NLGN1: variants seen among roughly 807,000 people sequenced by gnomAD.
NLGN1 encodes neuroligin-1.
NLGN1 carries 12 observed loss-of-function variants against 65.5 expected under a neutral mutation model. The observed-to-expected ratio is 0.18, with a 90% CI of 0.12 to 0.30. The LOEUF is 0.30. Among genes scored for constraint, NLGN1 ranks in the 10% least tolerant of loss-of-function variants. The pLI is 1.00. For synonymous variants in NLGN1, 350 were observed against 359.5 expected, an observed-to-expected ratio of 0.97 and a Z score of 0.30; for missense variants, 750 against 1,007.1, an observed-to-expected ratio of 0.74 and a Z score of 3.46.
At chr3:174,228,862 A>G (rs1466268754) in intron 4 of NLGN1, among the ~76,000 whole-genome samples, 1 of 152,104 alleles carries the variant, frequency 6.6e-6, no homozygotes, top group East Asian at 1.9e-4. Flanking sequence ...GTAGACTATT[A>G]TATTTATTAT....
At chr3:173,988,990 G>A (rs866323206) in intron 4 of NLGN1, among the ~76,000 whole-genome samples, 2 of 152,126 alleles carry the variant, frequency 1.3e-5, no homozygotes, top group East Asian at 1.9e-4. Flanking sequence ...GGAAAGATAA[G>A]GTAGGAGAGA....
intron 4 of NLGN1, among the ~76,000 whole-genome samples, chr3:173,849,196 TTAA>T (rs1691321347): frequency 6.6e-6 from 1 of 152,162 alleles, no homozygotes; most frequent in African/African-American, 2.4e-5. Flanking sequence ...TTCTTTTAAA[TTAA>T]TGACGGTATT....
intron 2 of NLGN1, among the ~76,000 whole-genome samples, chr3:173,529,576 C>T (rs531583772): frequency 2.0e-5 from 3 of 152,290 alleles, no homozygotes; most frequent in African/African-American, 4.8e-5. Flanking sequence ...GTTTATCACA[C>T]CCCTGTCCTG....
At chr3:173,754,990 T>G (rs1776879414) in intron 3 of NLGN1, among the ~76,000 whole-genome samples, 1 of 152,136 alleles carries the variant, frequency 6.6e-6, no homozygotes. Flanking sequence ...GAAATCTGTT[T>G]CTGAAAGATA....
exon 7 of NLGN1, chr3:174,281,374 C>T: frequency 1.0e-6 from 1 of 956,844 alleles, no homozygotes; most frequent in Non-Finnish European, 1.6e-6. Flanking sequence ...CCTTGGCTTT[C>T]AACCTACAAG....
chr3:173,419,501 T>C (rs767472715), intron 1 of NLGN1, among the ~76,000 whole-genome samples: 5 of 152,120 alleles, frequency 3.3e-5, no homozygotes, highest in Admixed American at 6.6e-5. Flanking sequence ...TTTAGGCTGA[T>C]GCCCTTTGGA....
At chr3:173,775,374 C>T (rs1780158419) in intron 3 of NLGN1, among the ~76,000 whole-genome samples, 1 of 152,066 alleles carries the variant, frequency 6.6e-6, no homozygotes, top group Non-Finnish European at 1.5e-5. Context: ...GTGCCATTCT[C>T]CCTTAAGGCT....
intron 4 of NLGN1, among the ~76,000 whole-genome samples, chr3:173,889,219 G>A (rs1734892062): frequency 6.6e-6 from 1 of 152,092 alleles, no homozygotes; most frequent in East Asian, 1.9e-4. Context: ...TGAGATCATG[G>A]CATTAATAAG....
intron 2 of NLGN1, among the ~76,000 whole-genome samples, chr3:173,578,777 A>G (rs2149356488): frequency 6.6e-6 from 1 of 152,348 alleles, no homozygotes. Context: ...CAAAATATCA[A>G]GAGAACCTGC....
At chr3:173,615,935 A>G (rs1752993718) in intron 3 of NLGN1, among the ~76,000 whole-genome samples, 1 of 151,988 alleles carries the variant, frequency 6.6e-6, no homozygotes, top group South Asian at 2.1e-4. Flanking sequence ...GCCCTGGGGT[A>G]GGTCCTGGAG....
chr3:173,888,939 T>C (rs1272137045), intron 4 of NLGN1, among the ~76,000 whole-genome samples: 5 of 152,258 alleles, frequency 3.3e-5, no homozygotes, highest in African/African-American at 1.2e-4. Flanking sequence ...AATTTAGGTG[T>C]TGATCACTTT....
At chr3:173,425,368 A>G (rs899611482) in intron 1 of NLGN1, among the ~76,000 whole-genome samples, 4 of 151,956 alleles carry the variant, frequency 2.6e-5, no homozygotes, top group African/African-American at 9.7e-5. Flanking sequence ...TTTTTTATAA[A>G]ATCTTTATAG....
At chr3:174,014,553 C>G (rs182443979) in intron 4 of NLGN1, among the ~76,000 whole-genome samples, 6 of 152,176 alleles carry the variant, frequency 3.9e-5, no homozygotes, top group Admixed American at 6.5e-5. Context: ...TTACCATCTT[C>G]CCATATTAGG....
In NLGN1 at chr3:174,141,068, C is replaced by G. The variant is rs914264885; in HGVS notation, c.647-134247C>G. Among the ~76,000 whole-genome samples, 12 of 152,120 alleles carry G rather than the reference C, an allele frequency of 7.9e-5. No individual in the cohort carries two copies. In the East Asian group the frequency reaches 2.3e-3, roughly 29 times the overall value. On this transcript the variant is annotated intron_variant, in intron 4 of 6. Transcript: ENST00000457714. Reference sequence around the variant, plus strand: ...TAAATGTTGTTTAATGGCTTCTTAGCTCATCTTATAATTGTTACACTTCAC... The same window carrying G: ...TAAATGTTGTTTAATGGCTTCTTAGGTCATCTTATAATTGTTACACTTCAC...
intron 4 of NLGN1, among the ~76,000 whole-genome samples, chr3:173,996,945 C>T (rs1055179015): frequency 3.3e-5 from 5 of 151,810 alleles, no homozygotes; most frequent in African/African-American, 9.7e-5. Flanking sequence ...TTTAACAGGG[C>T]GTAATATAAA....
intron 1 of NLGN1, among the ~76,000 whole-genome samples, chr3:173,422,291 T>C (rs899333152): frequency 6.6e-6 from 1 of 152,162 alleles, no homozygotes; most frequent in African/African-American, 2.4e-5. Context: ...ATATCACATG[T>C]ACTTACTCAT....
At chr3:174,285,067 C>G (rs534613206) in exon 7 of NLGN1, 1 of 151,334 alleles carries the variant, frequency 6.6e-6, no homozygotes, top group Non-Finnish European at 1.5e-5. Flanking sequence ...TCCTGACATA[C>G]GTATTAATAT....
chr3:173,668,623 T>TG (rs896761816), intron 3 of NLGN1, among the ~76,000 whole-genome samples: 1 of 149,168 alleles, frequency 6.7e-6, no homozygotes, highest in African/African-American at 2.5e-5. Flanking sequence ...TCTTTTCTTT[T>TG]TTTTTTTTTT....
At chr3:174,207,750 G>A (rs1203722641) in intron 4 of NLGN1, among the ~76,000 whole-genome samples, 1 of 152,090 alleles carries the variant, frequency 6.6e-6, no homozygotes, top group Non-Finnish European at 1.5e-5. Flanking sequence ...GTGTCTTGCT[G>A]TCTCAACAAA....
Sources: gnomAD v4.1 joint callset for allele counts (sites outside exome capture counted in the v4.1 genomes callset) on GRCh38, gnomAD v4.1.1 for gene constraint, MANE v1.5 for transcripts, NCBI Gene and HGNC (gene_info 2026-07-23, HGNC 2026-07-21) for gene names.